The following RORB variants were observed in gnomAD, a reference collection of about 807,000 sequenced individuals.
RORB encodes nuclear receptor ROR-beta.
RORB carries 6 observed loss-of-function variants against 59.1 expected under a neutral mutation model. That is an observed-to-expected ratio of 0.10 (90% confidence interval 0.06 to 0.20). The LOEUF is 0.20. Ranked by LOEUF, RORB falls within the 10% of genes least tolerant of loss-of-function variation. RORB has a pLI of 1.00. For synonymous variants in RORB, 215 were observed against 204.5 expected, an observed-to-expected ratio of 1.05 and a Z score of -0.44; for missense variants, 320 against 560.5, an observed-to-expected ratio of 0.57 and a Z score of 4.33.
chr9:74,615,460 G>C (rs1823296769), intron 1 of RORB: 1 of 213,682 alleles, frequency 4.7e-6, no homozygotes, highest in African/African-American at 2.3e-5. Context: ...AGCCGTTGAT[G>C]CCTTTAACTC....
chr9:74,583,446 A>G (rs1292847628), intron 1 of RORB, among the ~76,000 whole-genome samples: 1 of 152,054 alleles, frequency 6.6e-6, no homozygotes, highest in Non-Finnish European at 1.5e-5. Context: ...TATTTATTAT[A>G]TCCTGAATTT....
chr9:74,662,914 A>G (rs1293283020), intron 6 of RORB, among the ~76,000 whole-genome samples: 1 of 152,068 alleles, frequency 6.6e-6, no homozygotes, highest in African/African-American at 2.4e-5. Context: ...AGCCGGCGCT[A>G]AAACGTACTC....
chr9:74,616,810 G>A (rs1301260378), intron 1 of RORB, among the ~76,000 whole-genome samples: 3 of 151,912 alleles, frequency 2.0e-5, no homozygotes, highest in African/African-American at 4.8e-5. Context: ...CATAGTGGCC[G>A]ATTTTAGGGG....
intron 1 of RORB, among the ~76,000 whole-genome samples, chr9:74,555,878 A>C (rs1822279409): frequency 6.6e-6 from 1 of 152,220 alleles, no homozygotes; most frequent in Non-Finnish European, 1.5e-5. Flanking sequence ...CCCAGCAGAA[A>C]TTTCTCAGAG....
chr9:74,642,827 TCTC>T lies in RORB; in HGVS notation c.637+17_637+19del, dbSNP rs747680066. 5 of 1,566,326 alleles carry T rather than the reference TCTC, an allele frequency of 3.2e-6. No homozygotes were observed. In the Admixed American group the frequency reaches 5.5e-5, roughly 17 times the overall value. Reference sequence around the variant, plus strand: ...CATGACTGAAATCGGTAAGTGGAAGTCTCCTCCCAGTGGCTTTTTTTGAGATTT... The same window carrying T: ...CATGACTGAAATCGGTAAGTGGAAGTCTCCCAGTGGCTTTTTTTGAGATTT... On this transcript the variant is annotated intron_variant, in intron 4 of 9. Transcript: ENST00000376896.
At chr9:74,551,416 T>C (rs1480589849) in intron 1 of RORB, among the ~76,000 whole-genome samples, 1 of 152,198 alleles carries the variant, frequency 6.6e-6, no homozygotes, top group Non-Finnish European at 1.5e-5. Flanking sequence ...CCAGGTCAGC[T>C]ACTAAGTGAC....
chr9:74,654,839 T>TG (rs34772831), intron 4 of RORB, among the ~76,000 whole-genome samples: 1 of 152,052 alleles, frequency 6.6e-6, no homozygotes, highest in Non-Finnish European at 1.5e-5. Flanking sequence ...CAGCAACTTT[T>TG]GGGGGGAAAA....
intron 1 of RORB, among the ~76,000 whole-genome samples, chr9:74,560,146 C>T (rs571203015): frequency 1.2e-4 from 18 of 152,238 alleles, no homozygotes; most frequent in African/African-American, 4.1e-4. Flanking sequence ...ATGTGAGAAC[C>T]TTAAGGTTCT....
Position 74,644,798 on chromosome 9 carries a change from A to C in RORB, c.637+1983A>C, listed in dbSNP as rs189333861. Reference sequence around the variant, plus strand: ...TCTTCTGGCCTATATTCAAAAGGGGAGTCTTCTAAGAATTAATAAATCATA... The same window carrying C: ...TCTTCTGGCCTATATTCAAAAGGGGCGTCTTCTAAGAATTAATAAATCATA... On this transcript the variant is annotated intron_variant, in intron 4 of 9. Coordinates refer to ENST00000376896, the MANE Select transcript of RORB (RefSeq NM_006914.4). Among the ~76,000 whole-genome samples, 321 of 152,272 alleles carry C rather than the reference A, an allele frequency of 2.1e-3. 1 individual carries two copies. The highest frequency in any genetic ancestry group is 7.2e-3 in the African/African-American group (300 of 41,552).
At chr9:74,632,721 C>T (rs1418320860) in intron 2 of RORB, among the ~76,000 whole-genome samples, 1 of 152,130 alleles carries the variant, frequency 6.6e-6, no homozygotes, top group African/African-American at 2.4e-5. Context: ...CTAAGTAGCA[C>T]TAGAGTATCC....
At chr9:74,550,459 C>T (rs1040916211) in intron 1 of RORB, among the ~76,000 whole-genome samples, 2 of 152,192 alleles carry the variant, frequency 1.3e-5, no homozygotes, top group Non-Finnish European at 1.5e-5. Context: ...GCTTTGAAAG[C>T]TCTACAAGTG....
chr9:74,549,342 G>A (rs1383416617), intron 1 of RORB, among the ~76,000 whole-genome samples: 1 of 151,736 alleles, frequency 6.6e-6, no homozygotes, highest in Non-Finnish European at 1.5e-5. Flanking sequence ...TACTCAGGAG[G>A]CTGAGGCAGG....
At chr9:74,607,530 C>G (rs1462753550) in intron 1 of RORB, among the ~76,000 whole-genome samples, 1 of 152,000 alleles carries the variant, frequency 6.6e-6, no homozygotes, top group East Asian at 1.9e-4. Flanking sequence ...GTGAAATGTC[C>G]TACATTCAAA....
chr9:74,555,455 A>G (rs1822273034), intron 1 of RORB, among the ~76,000 whole-genome samples: 2 of 152,158 alleles, frequency 1.3e-5, no homozygotes, highest in Admixed American at 1.3e-4. Flanking sequence ...GAGAAATAAA[A>G]CCTTAATACA....
intron 1 of RORB, among the ~76,000 whole-genome samples, chr9:74,620,553 T>C (rs1823397581): frequency 6.6e-6 from 1 of 152,214 alleles, no homozygotes; most frequent in South Asian, 2.1e-4. Context: ...CCTTCAGTTC[T>C]GCTCTGATTT....
rs143023431 is a variant in RORB at position 74,545,336 on chromosome 9, C to T, written c.7+47353C>T. On this transcript the variant is annotated intron_variant, in intron 1 of 9. Transcript: ENST00000376896. Reference sequence around the variant, plus strand: ...GGTAGTTCTAGTTGGAGTAAGATTGCGGTGCCTTTTTGTATCCATCAAATC... The same window carrying T: ...GGTAGTTCTAGTTGGAGTAAGATTGTGGTGCCTTTTTGTATCCATCAAATC... 2.9e-3 allele frequency among the ~76,000 whole-genome samples: 439 copies of T among 152,178 alleles called. 2 individuals are homozygous for T. The highest frequency in any genetic ancestry group is 9.8e-3 in the African/African-American group (409 of 41,528).
At chr9:74,593,972 T>A (rs2058538108) in intron 1 of RORB, among the ~76,000 whole-genome samples, 1 of 152,076 alleles carries the variant, frequency 6.6e-6, no homozygotes, top group Non-Finnish European at 1.5e-5. Flanking sequence ...AATACTATAA[T>A]CAGAAAAAAT....
chr9:74,673,248 G>A (rs987953982), intron 9 of RORB, among the ~76,000 whole-genome samples: 1 of 152,148 alleles, frequency 6.6e-6, no homozygotes, highest in South Asian at 2.1e-4. Flanking sequence ...TTGCTTGGTA[G>A]CGTATATGCA....
intron 1 of RORB, among the ~76,000 whole-genome samples, chr9:74,544,028 A>G (rs1282118310): frequency 1.3e-5 from 2 of 152,206 alleles, no homozygotes; most frequent in African/African-American, 2.4e-5. Flanking sequence ...GAAATCTTTC[A>G]GGATATTGTA....
Sources: allele counts gnomAD v4.1 joint callset (sites outside exome capture counted in the v4.1 genomes callset), GRCh38; gene constraint gnomAD v4.1.1; transcripts MANE v1.5; gene names NCBI Gene and HGNC (gene_info 2026-07-23, HGNC 2026-07-21).